The following SDK1 variants were observed in gnomAD, a reference collection of about 807,000 sequenced individuals.
SDK1 encodes the protein protein sidekick-1.
In SDK1, 157 loss-of-function variants were observed where a neutral mutation model predicts 245.5. The observed-to-expected ratio is 0.64, with a 90% CI of 0.56 to 0.73. The LOEUF (loss-of-function observed/expected upper bound fraction) is 0.73. Among genes scored for constraint, SDK1 ranks in the 30% least tolerant of loss-of-function variants. SDK1 has a pLI of 0.00. For missense variants in SDK1, 3,583 were observed against 3,002.3 expected, an observed-to-expected ratio of 1.19 and a Z score of -4.52; for synonymous variants, 1,647 against 1,278.5, an observed-to-expected ratio of 1.29 and a Z score of -6.15.
intron 4 of SDK1, among the ~76,000 whole-genome samples, chr7:3,681,740 G>C (rs1013383295): frequency 5.3e-5 from 8 of 152,200 alleles, no homozygotes; most frequent in African/African-American, 1.9e-4. Flanking sequence ...CTTGTTGAAT[G>C]AATACATTGA....
intron 18 of SDK1, among the ~76,000 whole-genome samples, chr7:4,051,162 T>C (rs1011602585): frequency 2.1e-5 from 3 of 140,060 alleles, no homozygotes; most frequent in South Asian, 2.2e-4. Flanking sequence ...ATACATATAG[T>C]ATATATGTAT....
chr7:3,796,789 A>G (rs1198236512), intron 4 of SDK1, among the ~76,000 whole-genome samples: 2 of 152,192 alleles, frequency 1.3e-5, no homozygotes, highest in African/African-American at 4.8e-5. Context: ...TGTTTGCTGT[A>G]CACATTTTTG....
intron 44 of SDK1, among the ~76,000 whole-genome samples, chr7:4,260,045 T>G (rs927734383): frequency 6.6e-6 from 1 of 152,244 alleles, no homozygotes; most frequent in Non-Finnish European, 1.5e-5. Flanking sequence ...CACTGCCACG[T>G]TTATCATCGT....
intron 1 of SDK1, among the ~76,000 whole-genome samples, chr7:3,325,564 GATTA>G (rs1448918123): frequency 1.3e-5 from 2 of 151,986 alleles, no homozygotes; most frequent in Non-Finnish European, 2.9e-5. Flanking sequence ...CCAAAATGAT[GATTA>G]ATTACAGACA....
At chr7:3,363,153 G>C (rs958869154) in intron 1 of SDK1, among the ~76,000 whole-genome samples, 5 of 152,060 alleles carry the variant, frequency 3.3e-5, no homozygotes. Context: ...CTTCCACACT[G>C]CTCGGCAACC....
chr7:3,765,224 T>A (rs1271098422), intron 4 of SDK1, among the ~76,000 whole-genome samples: 1 of 152,222 alleles, frequency 6.6e-6, no homozygotes, highest in African/African-American at 2.4e-5. Flanking sequence ...ATAATGTTTC[T>A]GAGATGCATC....
At position 4,139,711 on chromosome 7, in the gene SDK1, G is replaced by T. The variant is rs200819325; in HGVS notation, c.4229-6011G>T. Among the ~76,000 whole-genome samples the T allele has an allele frequency of 9.7e-4, 39 of 40,300 alleles. 4 individuals carry two copies. Among genetic ancestry groups the T allele is most frequent in the African/African-American group, 1.8e-3 (29 of 16,524 alleles). 26.4% of individuals were successfully genotyped at this position (40,300 alleles called of 152,430 possible). ...TGTGTATGTGTGTGTGTGTATGTGT[G>T]TGTGTGTGTATGTGTGTGTGTGTGT... On this transcript the variant is annotated intron_variant, in intron 28 of 44. Transcript: ENST00000404826.
intron 1 of SDK1, among the ~76,000 whole-genome samples, chr7:3,402,313 T>G (rs1363341534): frequency 1.3e-5 from 2 of 152,144 alleles, no homozygotes; most frequent in African/African-American, 4.8e-5. Flanking sequence ...ATTCAGAGAG[T>G]AATGGAGGAG....
intron 5 of SDK1, among the ~76,000 whole-genome samples, chr7:3,891,795 C>T (rs546532319): frequency 1.2e-4 from 19 of 152,336 alleles, no homozygotes; most frequent in South Asian, 1.0e-3. Context: ...TGTGCTTTCA[C>T]GGCCAACCTT....
In SDK1 at chr7:3,568,465, G is replaced by A. The variant is rs560816917; in HGVS notation, c.299-50615G>A. Among the ~76,000 whole-genome samples, 4 of 152,168 alleles carry A rather than the reference G, an allele frequency of 2.6e-5. No homozygotes were observed. In the South Asian group the frequency reaches 8.3e-4, roughly 32 times the overall value. On this transcript the variant is annotated intron_variant, in intron 1 of 44. Transcript: ENST00000404826. ...TTAGTTTCTTCTGGCCGGAGACCAT[G>A]GGTGATTCACCTTTGAATCCCTAAA...
At chr7:3,971,941 A>G (rs1782516952) in intron 12 of SDK1, among the ~76,000 whole-genome samples, 1 of 151,978 alleles carries the variant, frequency 6.6e-6, no homozygotes, top group Non-Finnish European at 1.5e-5. Flanking sequence ...CACTCCCGGG[A>G]GAGTTCTTTA....
intron 13 of SDK1, among the ~76,000 whole-genome samples, chr7:3,985,930 A>G (rs1016725820): frequency 7.9e-5 from 12 of 152,196 alleles, no homozygotes; most frequent in African/African-American, 2.9e-4. Flanking sequence ...GTGGGTCAGC[A>G]GTACCTGATG....
At chr7:3,425,285 A>G (rs1562479075) in intron 1 of SDK1, among the ~76,000 whole-genome samples, 1 of 152,188 alleles carries the variant, frequency 6.6e-6, no homozygotes, top group Non-Finnish European at 1.5e-5. Context: ...AGGGAAATTT[A>G]TGGCCCTTAT....
intron 1 of SDK1, among the ~76,000 whole-genome samples, chr7:3,536,279 G>T (rs957034106): frequency 6.6e-6 from 1 of 151,732 alleles, no homozygotes; most frequent in African/African-American, 2.4e-5. Flanking sequence ...TGTTAGCCAG[G>T]ATGGTCTCGA....
At chr7:4,261,687 G>A (rs1788021148) in intron 44 of SDK1, among the ~76,000 whole-genome samples, 1 of 152,196 alleles carries the variant, frequency 6.6e-6, no homozygotes, top group Admixed American at 6.5e-5. Flanking sequence ...ATACACAGCT[G>A]ATGATCCTCA....
chr7:4,088,643 T>A (rs2128182640), intron 22 of SDK1, among the ~76,000 whole-genome samples: 1 of 152,276 alleles, frequency 6.6e-6, no homozygotes, highest in East Asian at 1.9e-4. Context: ...TCTGATTTCA[T>A]CTGTTGGTAA....
chr7:4,141,470 C>T (rs968228818), intron 28 of SDK1, among the ~76,000 whole-genome samples: 6 of 152,320 alleles, frequency 3.9e-5, no homozygotes, highest in South Asian at 2.1e-4. Context: ...AATGAAAACA[C>T]GTCTGTAACC....
chr7:3,962,003 A>G lies in SDK1; in HGVS notation c.1235-654A>G, dbSNP rs548346211. Among the ~76,000 whole-genome samples, 253 of 149,656 alleles carry G rather than the reference A, an allele frequency of 1.7e-3. 1 individual carries two copies. Among genetic ancestry groups the G allele is most frequent in the African/African-American group, 6.3e-3 (246 of 39,314 alleles). ...CATATATGCACAAACACACACACAT[A>G]CACACATGTAAACACGTAGACACAT... On this transcript the variant is annotated intron_variant, in intron 8 of 44. Coordinates refer to ENST00000404826, the MANE Select transcript of SDK1 (RefSeq NM_152744.4).
At chr7:4,098,695 G>T (rs1055760858) in intron 22 of SDK1, among the ~76,000 whole-genome samples, 2 of 151,750 alleles carry the variant, frequency 1.3e-5, no homozygotes, top group East Asian at 1.9e-4. Context: ...ATAGGGTCTC[G>T]CTCTGTCACC....
Sources: gnomAD v4.1 joint callset for allele counts (sites outside exome capture counted in the v4.1 genomes callset) on GRCh38, gnomAD v4.1.1 for gene constraint, MANE v1.5 for transcripts, NCBI Gene and HGNC (gene_info 2026-07-23, HGNC 2026-07-21) for gene names.